The following PTPRD variants were observed in gnomAD, a reference collection of about 807,000 sequenced individuals.
PTPRD encodes receptor-type tyrosine-protein phosphatase delta.
Under a neutral mutation model 214.5 loss-of-function variants are expected in PTPRD, and 34 were observed. The ratio of observed to expected loss-of-function variants is 0.16; its 90% confidence interval spans 0.12 to 0.21. PTPRD has a LOEUF of 0.21. PTPRD is among the 10% of genes least tolerant of loss of function. The probability of loss-of-function intolerance (pLI) is 1.00; values close to 1 mark genes in which losing one functional copy is unlikely to be tolerated. For missense variants in PTPRD, 2,545 were observed against 2,398.7 expected, an observed-to-expected ratio of 1.06 and a Z score of -1.27; for synonymous variants, 1,128 against 845.7, an observed-to-expected ratio of 1.33 and a Z score of -5.79.
chr9:8,434,748 A>G (rs900015618), intron 35 of PTPRD, among the ~76,000 whole-genome samples: 1 of 152,224 alleles, frequency 6.6e-6, no homozygotes, highest in African/African-American at 2.4e-5. Context: ...GTTCATAAAA[A>G]TTGACATAAC....
At chr9:9,423,579 A>G (rs2079657534) in intron 8 of PTPRD, among the ~76,000 whole-genome samples, 2 of 152,230 alleles carry the variant, frequency 1.3e-5, no homozygotes, top group Non-Finnish European at 2.9e-5. Context: ...AAACATACTC[A>G]TAAGTGATAC....
intron 10 of PTPRD, among the ~76,000 whole-genome samples, chr9:9,072,827 T>A (rs955491398): frequency 6.6e-6 from 1 of 152,176 alleles, no homozygotes; most frequent in Non-Finnish European, 1.5e-5. Flanking sequence ...CTTGTGTATA[T>A]TCCTTTTTGT....
intron 9 of PTPRD, among the ~76,000 whole-genome samples, chr9:9,253,314 CTTTT>C (rs200385136): frequency 6.6e-6 from 1 of 151,898 alleles, no homozygotes; most frequent in Non-Finnish European, 1.5e-5. Flanking sequence ...TGAGGCCTGA[CTTTT>C]TTTATTAATT....
chr9:8,975,693 T>G (rs1346270705), intron 11 of PTPRD, among the ~76,000 whole-genome samples: 1 of 151,826 alleles, frequency 6.6e-6, no homozygotes, highest in Non-Finnish European at 1.5e-5. Context: ...GATAAATATG[T>G]AACTCTGATA....
At chr9:9,275,191 T>TA (rs1189895634) in intron 9 of PTPRD, among the ~76,000 whole-genome samples, 10 of 11,442 alleles carry the variant, frequency 8.7e-4, no homozygotes, top group Non-Finnish European at 2.0e-3. Flanking sequence ...ATGTTATATA[T>TA]ATATATATTA....
At chr9:8,979,062 A>G (rs1213537812) in intron 11 of PTPRD, among the ~76,000 whole-genome samples, 1 of 152,154 alleles carries the variant, frequency 6.6e-6, no homozygotes, top group African/African-American at 2.4e-5. Context: ...CCAAACTTGT[A>G]ATTCATTTCT....
chr9:10,016,857 G>T (rs549384343), intron 4 of PTPRD, among the ~76,000 whole-genome samples: 1 of 152,170 alleles, frequency 6.6e-6, no homozygotes, highest in Non-Finnish European at 1.5e-5. Context: ...TAGAGACAGG[G>T]TCTCGCTATG....
chr9:8,387,144 A>T (rs1037398556), intron 37 of PTPRD, among the ~76,000 whole-genome samples: 1 of 152,234 alleles, frequency 6.6e-6, no homozygotes, highest in South Asian at 2.1e-4. Flanking sequence ...CATTTAACAA[A>T]GGAGAAAGCT....
intron 34 of PTPRD, among the ~76,000 whole-genome samples, chr9:8,440,460 A>G (rs985834317): frequency 6.6e-6 from 1 of 151,850 alleles, no homozygotes; most frequent in Non-Finnish European, 1.5e-5. Context: ...GATTACAGGG[A>G]CGCGCCACCA....
rs370267013 is a variant in PTPRD at position 8,323,378 on chromosome 9, A to G, written c.5535-3412T>C. On this transcript the variant is annotated intron_variant, in intron 44 of 45. Coordinates refer to ENST00000381196, the MANE Select transcript of PTPRD (RefSeq NM_002839.4). Reference sequence around the variant, plus strand: ...TAAGAACTACATTTTATAAGGCTATACATTCTATAGATAGATAGTGATTTC... The same window carrying G: ...TAAGAACTACATTTTATAAGGCTATGCATTCTATAGATAGATAGTGATTTC... Among the ~76,000 whole-genome samples the G allele has an allele frequency of 7.9e-5, 12 of 152,352 alleles. No homozygotes were observed. The East Asian group carries it at 2.3e-3, about 29-fold the overall frequency.
intron 8 of PTPRD, among the ~76,000 whole-genome samples, chr9:9,505,813 T>A (rs952750417): frequency 6.6e-6 from 1 of 151,456 alleles, no homozygotes; most frequent in Non-Finnish European, 1.5e-5. Flanking sequence ...CAAGGAACAA[T>A]CAATTTTTAG....
At chr9:10,076,522 C>A (rs1302640518) in intron 3 of PTPRD, among the ~76,000 whole-genome samples, 1 of 152,094 alleles carries the variant, frequency 6.6e-6, no homozygotes, top group Admixed American at 6.6e-5. Context: ...TGATAAAACT[C>A]TATAAAAACA....
At chr9:9,593,142 G>GAAAGAAAAGAAAAGAAAAGA (rs56345527) in intron 7 of PTPRD, among the ~76,000 whole-genome samples, 110 of 145,998 alleles carry the variant, frequency 7.5e-4, no homozygotes, top group African/African-American at 2.8e-3. Flanking sequence ...AAAGGAAAGG[G>GAAAGAAAAGAAAAGAAAAGA]AAAGAAAAGA....
At position 8,684,337 on chromosome 9, in the gene PTPRD, T is replaced by G. The variant is rs145881450; in HGVS notation, c.65-47493A>C. Among the ~76,000 whole-genome samples, 462 of 152,334 alleles carry G rather than the reference T, an allele frequency of 3.0e-3. 2 individuals are homozygous for G. The highest frequency in any genetic ancestry group is 0.011 in the African/African-American group (448 of 41,564). On this transcript the variant is annotated intron_variant, in intron 12 of 45. Coordinates refer to ENST00000381196, the MANE Select transcript of PTPRD (RefSeq NM_002839.4). ...CAATGATTTTGTAAGCCATCTCTAT[T>G]TTACAAATGAGCAATACTGGGCTGG...
chr9:10,596,967 G>GT (rs1028479502), intron 2 of PTPRD, among the ~76,000 whole-genome samples: 19 of 151,458 alleles, frequency 1.3e-4, no homozygotes, highest in Admixed American at 4.6e-4. Flanking sequence ...ATTTATAGGT[G>GT]TTTTTTAAAG....
At chr9:9,471,914 A>T (rs531695789) in intron 8 of PTPRD, among the ~76,000 whole-genome samples, 1 of 152,202 alleles carries the variant, frequency 6.6e-6, no homozygotes, top group South Asian at 2.1e-4. Flanking sequence ...CATTTTAATG[A>T]TTTTTTTAAC....
At chr9:10,105,359 G>A (rs184730401) in intron 3 of PTPRD, among the ~76,000 whole-genome samples, 10 of 151,822 alleles carry the variant, frequency 6.6e-5, no homozygotes, top group Admixed American at 5.3e-4. Flanking sequence ...TATGATTGCT[G>A]CAACATAATT....
At chr9:10,557,582 T>C (rs17203373) in intron 2 of PTPRD, among the ~76,000 whole-genome samples, 3,211 of 152,256 alleles carry the variant, frequency 0.021, 46 homozygotes, top group Non-Finnish European at 0.031. Flanking sequence ...TCTCCAAACC[T>C]GTACAGTTTC....
intron 26 of PTPRD, among the ~76,000 whole-genome samples, chr9:8,496,171 AACACACACACACACACACACAC>A (rs566859758): frequency 7.4e-6 from 1 of 135,024 alleles, no homozygotes; most frequent in Non-Finnish European, 1.6e-5. Context: ...CCAACTCTCC[AACACACACACACACACACACAC>A]ACACACACAC....
Sources: allele counts gnomAD v4.1 joint callset (sites outside exome capture counted in the v4.1 genomes callset), GRCh38; gene constraint gnomAD v4.1.1; transcripts MANE v1.5; gene names NCBI Gene and HGNC (gene_info 2026-07-23, HGNC 2026-07-21).